Variants in ADGRA2 observed in about 807,000 individuals in gnomAD.
The protein encoded by ADGRA2 is G-protein coupled receptor 124.
ADGRA2 carries 61 observed loss-of-function variants against 98.7 expected under a neutral mutation model. The observed-to-expected ratio is 0.62, with a 90% CI of 0.50 to 0.76. The LOEUF (loss-of-function observed/expected upper bound fraction) is 0.76, where lower values mean the gene tolerates loss of function less well. Ranked by LOEUF, ADGRA2 falls within the 30% of genes least tolerant of loss-of-function variation. The pLI is 0.00. For synonymous variants in ADGRA2, 858 were observed against 831.5 expected (o/e 1.03, Z -0.55); for missense variants, 1,712 against 1,860.0 (o/e 0.92, Z 1.46).
intron 2 of ADGRA2, among the ~76,000 whole-genome samples, chr8:37,827,038 C>T (rs1805302783): frequency 6.6e-6 from 1 of 152,218 alleles, no homozygotes; most frequent in Admixed American, 6.5e-5. Flanking sequence ...AGGGGTCCAC[C>T]CACCCTTGCC....
Position 37,797,178 on chromosome 8 carries a change from C to G in ADGRA2, c.-91C>G, listed in dbSNP as rs1160505641. On this transcript the variant is annotated 5_prime_UTR_variant, in exon 1 of 19. Transcript: ENST00000412232. This position sits in a 1 kb window ranked among gnomAD's most constrained non-coding sequence, Gnocchi z 5.3. ...TCCACGCCCTCGGGAGCCCCGGGCC[C>G]CCGCTGAGCACTCCTCCCGCACGCC... 1 of 1,051,886 alleles carries G rather than the reference C, an allele frequency of 9.5e-7. No homozygotes were observed. Among genetic ancestry groups the G allele is most frequent in the African/African-American group, 1.7e-5 (1 of 59,680 alleles). 65.2% of individuals were successfully genotyped at this position (1,051,886 alleles called of 1,614,324 possible). A position where few individuals can be genotyped will look rare whatever the true frequency, so the allele number is the denominator to read the frequency against.
chr8:37,833,329 C>A, intron 9 of ADGRA2, 121 bp downstream of exon 9: 1 of 802,884 alleles, frequency 1.2e-6, no homozygotes, highest in Non-Finnish European at 1.9e-6. Flanking sequence ...CCTGTTCCTG[C>A]CTGTGCAGAG....
At chr8:37,805,799 G>GT (rs1386472404) in intron 1 of ADGRA2, among the ~76,000 whole-genome samples, 1 of 151,982 alleles carries the variant, frequency 6.6e-6, no homozygotes. Context: ...GACCCGGGAG[G>GT]TGGAGGTTGC....
At position 37,844,390 on chromosome 8, in the gene ADGRA2, A is replaced by G; in HGVS notation, c.*2035A>G. The stretch of plus-strand genomic sequence containing the variant: ...CCCCTCTTGGTTCCTTCAAACAAGA[A>G]AAGCAATACCTACGGACTGGTGTAC... On this transcript the variant is annotated 3_prime_UTR_variant, in exon 19 of 19. Coordinates refer to ENST00000412232, the MANE Select transcript of ADGRA2 (RefSeq NM_032777.10). 4.0e-6 allele frequency: 6 copies of G among 1,491,438 alleles called. No individual in the cohort carries two copies. Among genetic ancestry groups the G allele is most frequent in the Non-Finnish European group, 5.4e-6 (6 of 1,103,808 alleles). 92.4% of individuals were successfully genotyped at this position (1,491,438 alleles called of 1,614,324 possible). A position where few individuals can be genotyped will look rare whatever the true frequency, so the allele number is the denominator to read the frequency against.
intron 2 of ADGRA2, among the ~76,000 whole-genome samples, chr8:37,822,418 C>CACACACACAG (rs1330099159): frequency 0.029 from 4,213 of 146,448 alleles, 69 homozygotes; most frequent in Non-Finnish European, 0.044. Context: ...CAGTCACATG[C>CACACACACAG]TCTTTAACTC....
chr8:37,805,137 G>A (rs917939022), intron 1 of ADGRA2, among the ~76,000 whole-genome samples: 1 of 152,206 alleles, frequency 6.6e-6, no homozygotes, highest in East Asian at 1.9e-4. Flanking sequence ...AGAAACTGCC[G>A]TTTGGCTTGG....
intron 1 of ADGRA2, among the ~76,000 whole-genome samples, chr8:37,805,141 G>C (rs193221550): frequency 3.8e-3 from 578 of 152,348 alleles, no homozygotes; most frequent in Non-Finnish European, 6.1e-3. Context: ...ACTGCCGTTT[G>C]GCTTGGGGAA....
At chr8:37,818,830 G>C (rs1805052200) in intron 2 of ADGRA2, among the ~76,000 whole-genome samples, 1 of 152,224 alleles carries the variant, frequency 6.6e-6, no homozygotes, top group Admixed American at 6.5e-5. Flanking sequence ...AGGGCCAGGG[G>C]TGCTATTTTA....
chr8:37,827,553 C>T (rs775723994), intron 2 of ADGRA2, among the ~76,000 whole-genome samples: 15 of 152,360 alleles, frequency 9.8e-5, no homozygotes, highest in Middle Eastern at 3.4e-3. Flanking sequence ...CCGCTCACTC[C>T]TCCAGGCCAG....
chr8:37,838,187 G>GAAC (rs1384495611), intron 14 of ADGRA2, among the ~76,000 whole-genome samples: 1 of 152,008 alleles, frequency 6.6e-6, no homozygotes, highest in Admixed American at 6.5e-5. Flanking sequence ...GATGGATCTG[G>GAAC]AACTCCCGAT....
chr8:37,822,397 A>G (rs1805151447), intron 2 of ADGRA2, among the ~76,000 whole-genome samples: 1 of 129,636 alleles, frequency 7.7e-6, no homozygotes, highest in South Asian at 2.3e-4. Flanking sequence ...ACACACACAC[A>G]CACACACACA....
intron 2 of ADGRA2, among the ~76,000 whole-genome samples, chr8:37,827,090 G>A (rs918109173): frequency 6.6e-6 from 1 of 152,222 alleles, no homozygotes; most frequent in Admixed American, 6.5e-5. Context: ...GAGCCAAGAG[G>A]CCACTGCCTC....
chr8:37,829,403 C>T, intron 4 of ADGRA2, 71 bp downstream of exon 4: 1 of 1,535,490 alleles, frequency 6.5e-7, no homozygotes, highest in East Asian at 2.2e-5. Flanking sequence ...ATGTGGCCCC[C>T]AACCCTTCCA....
intron 13 of ADGRA2, among the ~76,000 whole-genome samples, chr8:37,836,755 T>A (rs934801145): frequency 1.3e-5 from 2 of 152,222 alleles, no homozygotes; most frequent in Admixed American, 1.3e-4. Context: ...TTTCCCATCA[T>A]CAGGACGTCT....
chr8:37,798,781 G>T (rs904777576), intron 1 of ADGRA2, among the ~76,000 whole-genome samples: 1 of 152,244 alleles, frequency 6.6e-6, no homozygotes, highest in Admixed American at 6.5e-5. Flanking sequence ...GGACACAACT[G>T]GTCAGCCTCT....
chr8:37,844,540 T>C lies in ADGRA2; in HGVS notation c.*2185T>C, dbSNP rs1415560580. On this transcript the variant is annotated 3_prime_UTR_variant, in exon 19 of 19. Coordinates refer to ENST00000412232, the MANE Select transcript of ADGRA2 (RefSeq NM_032777.10). ...GCAGCCTGTCTAGCAGCCTGGGCTC[T>C]CTGAAAGTCCCTAACTTCCTGAGGG... The C allele has an allele frequency of 4.3e-6, 7 of 1,613,726 alleles. No individual in the cohort carries two copies. The East Asian group carries it at 1.1e-4, about 26-fold the overall frequency.
In ADGRA2 at chr8:37,840,193, A is replaced by G. The variant is rs183489099; in HGVS notation, c.2584A>G (p.Lys862Glu). Residue 862 changes from lysine (K) to glutamate (E), a missense_variant, in exon 17 of 19, where the codon AAG becomes GAG. By Grantham distance (56) the Lys-to-Glu change is moderately conservative. Transcript: ENST00000412232. ...GGGCGTGAAGGCGCGAGTGCTCCAT[A>G]AGGAGCTCACCTGGAGGGCACCCCC... The part of the protein sequence containing the change: ...WMGVKARVLH[K>E]ELTWRAPPPQ... 77 of 1,612,540 alleles carry G rather than the reference A, an allele frequency of 4.8e-5. No homozygotes were observed. The Middle Eastern group carries it at 8.3e-4, about 17-fold the overall frequency.
chr8:37,828,486 T>A (rs1490959409), intron 2 of ADGRA2, among the ~76,000 whole-genome samples: 1 of 134,796 alleles, frequency 7.4e-6, no homozygotes, highest in East Asian at 2.1e-4. Context: ...TGGTTCTTTT[T>A]TTTTTTTTTT....
chr8:37,840,232 GA>G lies in ADGRA2; in HGVS notation c.2624del (p.Asp875AlafsTer15). On this transcript the variant is annotated frameshift_variant, in exon 17 of 19. Coordinates refer to ENST00000412232, the MANE Select transcript of ADGRA2 (RefSeq NM_032777.10). LOFTEE classifies it high-confidence loss of function. ...TWRAPPPQEG[D>X]PALPTPSPML... ...GAGGGCACCCCCTCCGCAAGAAGGG[GA>G]CCCCGCTCTGCCTACTCCCAGTCCT... 6.2e-7 allele frequency: 1 copy of G among 1,612,928 alleles called. No individual in the cohort carries two copies. The highest frequency in any genetic ancestry group is 8.5e-7 in the Non-Finnish European group (1 of 1,179,952).
Sources: allele counts gnomAD v4.1 joint callset (sites outside exome capture counted in the v4.1 genomes callset), GRCh38; gene constraint gnomAD v4.1.1; non-coding constraint Gnocchi (gnomAD v3.1); transcripts MANE v1.5; gene names NCBI Gene and HGNC (gene_info 2026-07-23, HGNC 2026-07-21).